The following PELI2 variants were observed in gnomAD, a reference collection of about 807,000 sequenced individuals.
The protein encoded by PELI2 is E3 ubiquitin-protein ligase pellino homolog 2.
In PELI2, 23 loss-of-function variants were observed where a neutral mutation model predicts 42.3. That is an observed-to-expected ratio of 0.54 (90% CI 0.39 to 0.77). The LOEUF (loss-of-function observed/expected upper bound fraction) is 0.77. Ranked by LOEUF, PELI2 falls within the 30% of genes least tolerant of loss-of-function variation. The pLI, the probability that PELI2 is intolerant of heterozygous loss-of-function variation, is 0.00. For synonymous variants in PELI2, 245 were observed against 212.2 expected, an observed-to-expected ratio of 1.15 and a Z score of -1.34; for missense variants, 463 against 553.2, an observed-to-expected ratio of 0.84 and a Z score of 1.64.
At chr14:56,264,541 G>C (rs1367776541) in intron 2 of PELI2, among the ~76,000 whole-genome samples, 2 of 152,140 alleles carry the variant, frequency 1.3e-5, no homozygotes, top group Admixed American at 1.3e-4. Context: ...TAAATGATGG[G>C]AAAGTGGCGA....
rs1882929267 is a variant in PELI2 at position 56,118,435 on chromosome 14, G to T, written c.-226G>T. 2 of 296,848 alleles carry T rather than the reference G, an allele frequency of 6.7e-6. No homozygotes were observed. The highest frequency in any genetic ancestry group is 5.6e-5 in the East Asian group (1 of 17,944). The allele number at this position is 296,848 out of a possible 1,614,324, so 18.4% of individuals were successfully genotyped here. A position where few individuals can be genotyped will look rare whatever the true frequency, so the allele number is the denominator to read the frequency against. On this transcript the variant is annotated 5_prime_UTR_variant, in exon 1 of 6. Transcript: ENST00000267460. ...TCCCATTTGTTGCCGGCTCTGACTC[G>T]GGGCGGCCGCGGCGCGCGGAGCTCC...
In PELI2 at chr14:56,197,305, T is replaced by C. The variant is rs1886163459; in HGVS notation, c.207+18841T>C. ...GAGTTATGAAGGCATACATAGAGTT[T>C]AGTCTTGCAAACAGAGAGGGGCAGA... On this transcript the variant is annotated intron_variant, in intron 2 of 5. Transcript: ENST00000267460. This position sits in a 1 kb window ranked among gnomAD's most constrained non-coding sequence, Gnocchi z 4.9. Among the ~76,000 whole-genome samples, 1 of 152,174 alleles carries C rather than the reference T, an allele frequency of 6.6e-6. No individual in the cohort carries two copies. Among genetic ancestry groups the C allele is most frequent in the African/African-American group, 2.4e-5 (1 of 41,458 alleles).
Position 56,273,313 on chromosome 14 carries a change from G to A in PELI2, c.208-6363G>A, listed in dbSNP as rs148702852. ...GCCCACAGCTGGGAACCCCCAGAGCGGCAAATGGAAGCTGCAAGCCTTTCC... is the reference window on the plus strand; with the variant it reads ...GCCCACAGCTGGGAACCCCCAGAGCAGCAAATGGAAGCTGCAAGCCTTTCC... On this transcript the variant is annotated intron_variant, in intron 2 of 5. Transcript: ENST00000267460. The surrounding 1 kb of genome is among the most constrained non-coding windows in gnomAD (Gnocchi z 4.3). Among the ~76,000 whole-genome samples, 77 of 152,294 alleles carry A rather than the reference G, an allele frequency of 5.1e-4. 2 individuals are homozygous for A. In the East Asian group the frequency reaches 0.011, roughly 22 times the overall value.
At chr14:56,159,228 A>C (rs2087930818) in intron 1 of PELI2, among the ~76,000 whole-genome samples, 1 of 152,180 alleles carries the variant, frequency 6.6e-6, no homozygotes, top group Non-Finnish European at 1.5e-5. Flanking sequence ...CTGGTTGAGG[A>C]GGCACTGCTT....
intron 1 of PELI2, among the ~76,000 whole-genome samples, chr14:56,124,355 G>A (rs746722697): frequency 1.2e-4 from 19 of 152,312 alleles, no homozygotes; most frequent in South Asian, 1.2e-3. Context: ...GCATTCTGAT[G>A]TGTTTTCTCA....
chr14:56,257,902 T>A (rs760698200), intron 2 of PELI2, among the ~76,000 whole-genome samples: 3 of 152,162 alleles, frequency 2.0e-5, no homozygotes, highest in Non-Finnish European at 4.4e-5. Context: ...TGAGGGGGCT[T>A]CATAGAGGCA....
At chr14:56,268,264 A>T (rs1049860538) in intron 2 of PELI2, among the ~76,000 whole-genome samples, 5 of 152,138 alleles carry the variant, frequency 3.3e-5, no homozygotes, top group Admixed American at 3.3e-4. Flanking sequence ...TTTACTTATG[A>T]TTCATTTTTG....
intron 2 of PELI2, among the ~76,000 whole-genome samples, chr14:56,277,237 T>C (rs1889325654): frequency 6.6e-6 from 1 of 152,150 alleles, no homozygotes; most frequent in Non-Finnish European, 1.5e-5. Context: ...AAGCTTCATC[T>C]GTATTTATAG....
At chr14:56,271,782 G>C (rs1889113092) in intron 2 of PELI2, among the ~76,000 whole-genome samples, 1 of 152,178 alleles carries the variant, frequency 6.6e-6, no homozygotes, top group Non-Finnish European at 1.5e-5. Context: ...TCCTAGCCCT[G>C]CTCCCATCGG....
chr14:56,162,803 T>G (rs1437787700), intron 1 of PELI2, among the ~76,000 whole-genome samples: 3 of 152,204 alleles, frequency 2.0e-5, no homozygotes, highest in Non-Finnish European at 2.9e-5. Flanking sequence ...AAAAGCCATT[T>G]GAACTGGGGT....
intron 3 of PELI2, among the ~76,000 whole-genome samples, chr14:56,287,055 A>AC (rs1452540544): frequency 1.3e-5 from 2 of 152,226 alleles, no homozygotes; most frequent in Non-Finnish European, 2.9e-5. Context: ...ACAAGAAGGA[A>AC]CAGTTATGAA....
chr14:56,277,310 A>G (rs1889328768), intron 2 of PELI2, among the ~76,000 whole-genome samples: 1 of 152,034 alleles, frequency 6.6e-6, no homozygotes, highest in Admixed American at 6.6e-5. Context: ...CGGTGGCATT[A>G]GATTGTCATA....
chr14:56,270,352 A>G (rs547589799), intron 2 of PELI2, among the ~76,000 whole-genome samples: 2 of 152,192 alleles, frequency 1.3e-5, no homozygotes, highest in African/African-American at 2.4e-5. Flanking sequence ...GTTTCATGCA[A>G]CGTAAATTGT....
chr14:56,241,593 A>G (rs1407919083), intron 2 of PELI2, among the ~76,000 whole-genome samples: 1 of 152,146 alleles, frequency 6.6e-6, no homozygotes, highest in African/African-American at 2.4e-5. Flanking sequence ...ATTGTGGAGT[A>G]TATATTCTGT....
intron 1 of PELI2, among the ~76,000 whole-genome samples, chr14:56,155,739 G>T (rs539796497): frequency 7.6e-6 from 1 of 130,856 alleles, no homozygotes; most frequent in African/African-American, 2.6e-5. Flanking sequence ...TCGCCACCAC[G>T]CCCGGCTAAT....
chr14:56,255,160 C>T (rs763151587), intron 2 of PELI2, among the ~76,000 whole-genome samples: 1 of 152,206 alleles, frequency 6.6e-6, no homozygotes, highest in Non-Finnish European at 1.5e-5. Context: ...GATTATAAGT[C>T]ATTCTACTAT....
At chr14:56,231,871 TAAA>T (rs1887586243) in intron 2 of PELI2, among the ~76,000 whole-genome samples, 4 of 151,350 alleles carry the variant, frequency 2.6e-5, no homozygotes, top group Middle Eastern at 3.4e-3. Context: ...GCAAGACTAA[TAAA>T]GAAGAAAAGA....
chr14:56,284,295 A>T (rs1889577524), intron 3 of PELI2, among the ~76,000 whole-genome samples: 1 of 152,218 alleles, frequency 6.6e-6, no homozygotes, highest in Non-Finnish European at 1.5e-5. Context: ...CAAGGAAAGA[A>T]AGAAAAGTCT....
chr14:56,183,979 A>T (rs911398212), intron 2 of PELI2, among the ~76,000 whole-genome samples: 4 of 152,124 alleles, frequency 2.6e-5, no homozygotes, highest in African/African-American at 9.6e-5. Context: ...TCTCTGGATG[A>T]TGCAATAGGA....
Sources: allele counts gnomAD v4.1 joint callset (sites outside exome capture counted in the v4.1 genomes callset), GRCh38; gene constraint gnomAD v4.1.1; non-coding constraint Gnocchi (gnomAD v3.1); transcripts MANE v1.5; gene names NCBI Gene and HGNC (gene_info 2026-07-23, HGNC 2026-07-21).